The following ITPK1 variants were observed in gnomAD, a reference collection of about 807,000 sequenced individuals.
ITPK1 encodes inositol 1,3,4-trisphosphate 5/6-kinase.
Under a neutral mutation model 45.3 loss-of-function variants are expected in ITPK1, and 21 were observed. The ratio of observed to expected loss-of-function variants is 0.46; its 90% CI spans 0.33 to 0.67. The LOEUF is 0.67. Among genes scored for constraint, ITPK1 ranks in the 30% least tolerant of loss-of-function variants. The probability of loss-of-function intolerance (pLI) is 0.02; values close to 1 mark genes in which losing one functional copy is unlikely to be tolerated. For synonymous variants in ITPK1, 258 were observed against 253.6 expected (o/e 1.02, Z -0.16); for missense variants, 474 against 573.5 (o/e 0.83, Z 1.77).
chr14:93,041,978 T>C (rs1402445796), intron 3 of ITPK1, among the ~76,000 whole-genome samples: 3 of 152,080 alleles, frequency 2.0e-5, no homozygotes, highest in African/African-American at 7.2e-5. Flanking sequence ...TCCCCCGCGG[T>C]GTCTAATCCT....
chr14:93,103,507 T>G (rs1892406076), intron 2 of ITPK1, among the ~76,000 whole-genome samples: 1 of 151,940 alleles, frequency 6.6e-6, no homozygotes, highest in Admixed American at 6.6e-5. Context: ...GAGCTCCCAG[T>G]GGTGAGACAA....
At chr14:93,070,533 G>T (rs2139971638) in intron 3 of ITPK1, 1 of 152,424 alleles carries the variant, frequency 6.6e-6, no homozygotes, top group East Asian at 1.9e-4. Context: ...TTAGCAACTA[G>T]GTGTTTTAGA....
At chr14:92,950,058 A>G (rs1887884637) in intron 9 of ITPK1, among the ~76,000 whole-genome samples, 1 of 152,218 alleles carries the variant, frequency 6.6e-6, no homozygotes, top group Admixed American at 6.5e-5. Flanking sequence ...AGGCTCAGAG[A>G]GGCGACGCGA....
chr14:92,947,110 G>A (rs1441494009), intron 9 of ITPK1, among the ~76,000 whole-genome samples: 1 of 152,234 alleles, frequency 6.6e-6, no homozygotes, highest in Non-Finnish European at 1.5e-5. Flanking sequence ...ACCCCCACTT[G>A]CCTGCCATCA....
At chr14:92,977,427 G>A (rs377238720) in intron 5 of ITPK1, among the ~76,000 whole-genome samples, 19 of 152,290 alleles carry the variant, frequency 1.2e-4, no homozygotes, top group Admixed American at 1.1e-3. Context: ...CAGCCTTCTC[G>A]TCCATCTACC....
chr14:93,094,245 G>A (rs2140011024), intron 2 of ITPK1, among the ~76,000 whole-genome samples: 1 of 152,356 alleles, frequency 6.6e-6, no homozygotes, highest in African/African-American at 2.4e-5. Context: ...ACACTGGCAG[G>A]TGGCTGCCCT....
chr14:93,039,940 G>C (rs1302521581), intron 3 of ITPK1, among the ~76,000 whole-genome samples: 1 of 152,218 alleles, frequency 6.6e-6, no homozygotes, highest in Non-Finnish European at 1.5e-5. Flanking sequence ...CTCCTCCAGA[G>C]GGTGTCCCGC....
At chr14:93,009,589 A>C (rs1423973318) in intron 4 of ITPK1, among the ~76,000 whole-genome samples, 3 of 152,198 alleles carry the variant, frequency 2.0e-5, no homozygotes. Context: ...ATTGGTGCAC[A>C]ATGGACAGAT....
intron 3 of ITPK1, among the ~76,000 whole-genome samples, chr14:93,039,810 T>C (rs1329457121): frequency 6.6e-6 from 1 of 152,200 alleles, no homozygotes; most frequent in African/African-American, 2.4e-5. Context: ...CCTGCCAAAG[T>C]CTCCCTTGCT....
chr14:93,031,952 G>GATT (rs1889083065), intron 3 of ITPK1, among the ~76,000 whole-genome samples: 1 of 152,190 alleles, frequency 6.6e-6, no homozygotes, highest in Non-Finnish European at 1.5e-5. Context: ...AGCCTGCATA[G>GATT]ATTATTATTT....
rs45585434 is a variant in ITPK1 at position 92,940,609 on chromosome 14, C to T, written c.*952G>A. On this transcript the variant is annotated 3_prime_UTR_variant, in exon 11 of 11. Coordinates refer to ENST00000267615, the MANE Select transcript of ITPK1 (RefSeq NM_014216.6). ...CCATGGTGTCATGCCGAGGCTCCCG[C>T]GCCTATCCTCACCTAGGTGACTTTA... is the stretch of plus-strand genomic sequence containing the variant. The T allele has an allele frequency of 0.074, 89,977 of 1,209,822 alleles. 3,675 individuals carry two copies. The highest frequency in any genetic ancestry group is 0.099 in the Middle Eastern group (315 of 3,174). 74.9% of individuals were successfully genotyped at this position (1,209,822 alleles called of 1,614,324 possible).
intron 2 of ITPK1, among the ~76,000 whole-genome samples, chr14:93,109,441 AT>A (rs1015386403): frequency 6.6e-6 from 1 of 152,000 alleles, no homozygotes; most frequent in South Asian, 2.1e-4. Flanking sequence ...AGTCCTCTGA[AT>A]TTTTTTTAAT....
At chr14:92,962,917 A>G (rs1209619015) in intron 5 of ITPK1, 68 bp from the exon 6 acceptor site, 1 of 1,093,376 alleles carries the variant, frequency 9.1e-7, no homozygotes, top group Non-Finnish European at 1.4e-6. Context: ...GTCCTGTGAC[A>G]GCCCGCCCCA....
At chr14:92,994,281 G>A (rs376618478) in intron 4 of ITPK1, among the ~76,000 whole-genome samples, 7 of 152,184 alleles carry the variant, frequency 4.6e-5, no homozygotes, top group Non-Finnish European at 8.8e-5. Flanking sequence ...AACCTCACCC[G>A]GAAGCAGATC....
At chr14:92,981,755 A>G (rs1277533411) in intron 5 of ITPK1, among the ~76,000 whole-genome samples, 1 of 152,230 alleles carries the variant, frequency 6.6e-6, no homozygotes, top group East Asian at 1.9e-4. Flanking sequence ...AGCGGCCAGC[A>G]GACAATGACG....
Position 93,035,753 on chromosome 14 carries a change from C to G in ITPK1, c.121-18952G>C, listed in dbSNP as rs564992994. Among the ~76,000 whole-genome samples the G allele has an allele frequency of 3.9e-5, 6 of 152,310 alleles. No individual in the cohort carries two copies. The East Asian group carries it at 1.2e-3, about 29-fold the overall frequency. On this transcript the variant is annotated intron_variant, in intron 3 of 10. Transcript: ENST00000267615. ...GCCCGACAGCACCGTGAACAGCTGCCTCACCCTCCTGGGTACCAGGAGGTG... is the reference window on the plus strand; with the variant it reads ...GCCCGACAGCACCGTGAACAGCTGCGTCACCCTCCTGGGTACCAGGAGGTG...
intron 10 of ITPK1, 44 bp downstream of exon 10, chr14:92,946,287 G>A (rs769362501): frequency 6.2e-7 from 1 of 1,607,628 alleles, no homozygotes; most frequent in East Asian, 2.2e-5. Context: ...CCTGAGGACA[G>A]TCTCTGGAGG....
chr14:93,098,423 C>T (rs1322730595), intron 2 of ITPK1, among the ~76,000 whole-genome samples: 1 of 151,268 alleles, frequency 6.6e-6, no homozygotes, highest in Non-Finnish European at 1.5e-5. Flanking sequence ...CGCTGCCGCA[C>T]TCCAACCTGG....
At chr14:93,081,356 C>A (rs985375985) in intron 2 of ITPK1, among the ~76,000 whole-genome samples, 2 of 151,876 alleles carry the variant, frequency 1.3e-5, no homozygotes, top group Non-Finnish European at 2.9e-5. Context: ...AAACCTGCAC[C>A]TGCGAATAAT....
Sources: gnomAD v4.1 joint callset for allele counts (sites outside exome capture counted in the v4.1 genomes callset) on GRCh38, gnomAD v4.1.1 for gene constraint, MANE v1.5 for transcripts, NCBI Gene and HGNC (gene_info 2026-07-23, HGNC 2026-07-21) for gene names.